The following PACRGL variants were observed in gnomAD, a reference collection of about 807,000 sequenced individuals.
PACRGL encodes the protein PACRG-like protein.
Under a neutral mutation model 34.5 loss-of-function variants are expected in PACRGL, and 38 were observed. The observed-to-expected ratio is 1.10, with a 90% CI of 0.85 to 1.44. PACRGL has a LOEUF of 1.44. Ranked by LOEUF, PACRGL falls within the 40% of genes most tolerant of loss-of-function variation. The probability of loss-of-function intolerance (pLI) is 0.00; values close to 1 mark genes in which losing one functional copy is unlikely to be tolerated. For missense variants in PACRGL, 305 were observed against 281.4 expected (o/e 1.08, Z -0.60); for synonymous variants, 128 against 100.1 (o/e 1.28, Z -1.66).
At chr4:20,701,916 A>G (rs559888476) in intron 1 of PACRGL, 2 of 455,896 alleles carry the variant, frequency 4.4e-6, no homozygotes, top group African/African-American at 2.0e-5. Context: ...TGAAAAAGCA[A>G]TTGTTTTGGA....
chr4:20,707,893 C>G (rs1735273716), intron 4 of PACRGL, 23 bp downstream of exon 4: 2 of 1,531,346 alleles, frequency 1.3e-6, no homozygotes, highest in South Asian at 1.1e-5. Flanking sequence ...TGATTTATAA[C>G]TGACCAAATT....
At position 20,727,980 on chromosome 4, in the gene PACRGL, G is replaced by A. The variant is rs1011087392; in HGVS notation, c.*639G>A. On this transcript the variant is annotated 3_prime_UTR_variant, in exon 9 of 9. Coordinates refer to ENST00000503585, the MANE Select transcript of PACRGL (RefSeq NM_001258345.3). ...ATTTTGAAATTTGCTTGTAGAGATG[G>A]GATCTCACTCTGTTGTCCAGGCTGG... 8 of 152,318 alleles carry A rather than the reference G, an allele frequency of 5.3e-5. No homozygotes were observed. Among genetic ancestry groups the A allele is most frequent in the African/African-American group, 1.7e-4 (7 of 41,414 alleles). 9.4% of individuals were successfully genotyped at this position (152,318 alleles called of 1,614,324 possible). A position where few individuals can be genotyped will look rare whatever the true frequency, so the allele number is the denominator to read the frequency against.
chr4:20,747,891 C>A (rs1411049688), intron 8 of PACRGL, among the ~76,000 whole-genome samples: 1 of 152,160 alleles, frequency 6.6e-6, no homozygotes, highest in African/African-American at 2.4e-5. Context: ...CCATTTCACC[C>A]AGATAGCTGC....
At chr4:20,758,564 T>C in the PACRGL span, among the ~76,000 whole-genome samples, 2 of 151,888 alleles carry the variant, frequency 1.3e-5, no homozygotes, top group Admixed American at 6.6e-5. Flanking sequence ...TCAGAAAACA[T>C]TGTGCATTTG....
At chr4:20,719,717 T>C (rs1261939446) in intron 7 of PACRGL, among the ~76,000 whole-genome samples, 1 of 152,074 alleles carries the variant, frequency 6.6e-6, no homozygotes, top group African/African-American at 2.4e-5. Flanking sequence ...ATTTCTGTTC[T>C]TTTACATTTG....
At chr4:20,720,100 C>T (rs187175039) in intron 7 of PACRGL, among the ~76,000 whole-genome samples, 26,342 of 152,034 alleles carry the variant, frequency 0.17, 2,340 homozygotes, top group Middle Eastern at 0.23. Context: ...TTCTTTGTCT[C>T]TTTTGATCTT....
At chr4:20,717,809 C>T (rs1188435863) in intron 7 of PACRGL, among the ~76,000 whole-genome samples, 3 of 152,094 alleles carry the variant, frequency 2.0e-5, no homozygotes, top group Non-Finnish European at 4.4e-5. Flanking sequence ...ATTGTCTTGG[C>T]AATGTGGGCT....
Position 20,729,138 on chromosome 4 carries a change from T to TATAA in PACRGL, c.*1803_*1806dup, listed in dbSNP as rs1328327403. On this transcript the variant is annotated 3_prime_UTR_variant, in exon 9 of 9. Transcript: ENST00000503585. ...TTCTTTGTCCCTGAATGGCTTGTAA[T>TATAA]ATAAATAAACATGCTGTAAGGAAGT... 1 of 152,722 alleles carries TATAA rather than the reference T, an allele frequency of 6.5e-6. No homozygotes were observed. Among genetic ancestry groups the TATAA allele is most frequent in the Non-Finnish European group, 1.5e-5 (1 of 68,030 alleles). 9.5% of individuals were successfully genotyped at this position (152,722 alleles called of 1,614,324 possible).
intron 7 of PACRGL, among the ~76,000 whole-genome samples, chr4:20,718,329 T>C (rs989698386): frequency 6.6e-6 from 1 of 152,162 alleles, no homozygotes; most frequent in African/African-American, 2.4e-5. Context: ...TATTTCTTTC[T>C]CCTGCCTGAT....
rs1747331424 is a variant in PACRGL at position 20,729,551 on chromosome 4, A to ATAGAAAC, written c.*2212_*2218dup. The ATAGAAAC allele has an allele frequency of 6.7e-6, 1 of 149,426 alleles. No individual in the cohort carries two copies. The highest frequency in any genetic ancestry group is 1.5e-5 in the Non-Finnish European group (1 of 67,044). 9.3% of individuals were successfully genotyped at this position (149,426 alleles called of 1,614,324 possible). On this transcript the variant is annotated 3_prime_UTR_variant, in exon 9 of 9. Coordinates refer to ENST00000503585, the MANE Select transcript of PACRGL (RefSeq NM_001258345.3). ...ATTTCTAACAGAAGGTGGGAAGGCC[A>ATAGAAAC]TAGAAACTGGAACTATGTGTTTTTT...
intron 3 of PACRGL, among the ~76,000 whole-genome samples, chr4:20,706,037 T>G (rs193011396): frequency 1.1e-3 from 165 of 151,802 alleles, no homozygotes; most frequent in Middle Eastern, 3.4e-3. Context: ...GAAACGCTAA[T>G]TCAGTGTAGT....
rs1303397671 is a variant in PACRGL at position 20,705,313 on chromosome 4, C to T, written c.207+499C>T. ...GTAAAAATATTCAGAAGTGAACACA[C>T]CTGTGCAACAACACCAGGTGTTATT... On this transcript the variant is annotated intron_variant, in intron 3 of 8. Coordinates refer to ENST00000503585, the MANE Select transcript of PACRGL (RefSeq NM_001258345.3). Among the ~76,000 whole-genome samples, 3 of 152,148 alleles carry T rather than the reference C, an allele frequency of 2.0e-5. No individual in the cohort carries two copies. The South Asian group carries it at 6.2e-4, about 32-fold the overall frequency.
At chr4:20,740,629 T>G (rs1453439114) in intron 8 of PACRGL, among the ~76,000 whole-genome samples, 1 of 152,114 alleles carries the variant, frequency 6.6e-6, no homozygotes, top group Non-Finnish European at 1.5e-5. Context: ...CATGCCAAAT[T>G]GTAAAGACCA....
At chr4:20,723,852 G>T (rs1423277177) in intron 7 of PACRGL, among the ~76,000 whole-genome samples, 1 of 152,082 alleles carries the variant, frequency 6.6e-6, no homozygotes, top group Non-Finnish European at 1.5e-5. Flanking sequence ...AATAGGTTGT[G>T]TGAGGGTTAG....
At chr4:20,748,220 G>A (rs980687437) in intron 8 of PACRGL, among the ~76,000 whole-genome samples, 2 of 151,902 alleles carry the variant, frequency 1.3e-5, no homozygotes, top group Non-Finnish European at 2.9e-5. Context: ...CCCAACCTTC[G>A]CTCTTGGCTC....
At chr4:20,714,740 A>G (rs1323065824) in intron 7 of PACRGL, among the ~76,000 whole-genome samples, 7 of 152,048 alleles carry the variant, frequency 4.6e-5, no homozygotes, top group South Asian at 4.2e-4. Flanking sequence ...TCTCAGACCA[A>G]TTAGAATGGC....
At chr4:20,734,018 G>A (rs769125220), downstream of PACRGL, among the ~76,000 whole-genome samples, 13 of 152,152 alleles carry the variant, frequency 8.5e-5, no homozygotes, top group Non-Finnish European at 2.9e-5. Context: ...CAGGACATAG[G>A]CACACTGAGA....
At chr4:20,719,577 T>C (rs1039969157) in intron 7 of PACRGL, among the ~76,000 whole-genome samples, 22 of 152,238 alleles carry the variant, frequency 1.4e-4, no homozygotes, top group African/African-American at 5.3e-4. Flanking sequence ...CTGCCTTCAT[T>C]TCATTATGTA....
intron 4 of PACRGL, among the ~76,000 whole-genome samples, chr4:20,709,260 G>C (rs1353415781): frequency 6.6e-6 from 1 of 152,126 alleles, no homozygotes; most frequent in Non-Finnish European, 1.5e-5. Flanking sequence ...ATGAAACTTG[G>C]TTTAGCCTTC....
Sources: gnomAD v4.1 joint callset for allele counts (sites outside exome capture counted in the v4.1 genomes callset) on GRCh38, gnomAD v4.1.1 for gene constraint, MANE v1.5 for transcripts, NCBI Gene and HGNC (gene_info 2026-07-23, HGNC 2026-07-21) for gene names.